Variants in PKHD1L1 observed in about 807,000 individuals in gnomAD.
PKHD1L1 encodes PKHD1 like 1.
PKHD1L1 carries 434 observed loss-of-function variants against 462.9 expected under a neutral mutation model. That is an observed-to-expected ratio of 0.94 (90% confidence interval 0.87 to 1.02). PKHD1L1 has a LOEUF of 1.02. PKHD1L1 is among the 50% of genes least tolerant of loss of function. PKHD1L1 has a pLI of 0.00. For missense variants in PKHD1L1, 5,202 were observed against 5,096.1 expected, an observed-to-expected ratio of 1.02 and a Z score of -0.63; for synonymous variants, 1,781 against 1,750.0, an observed-to-expected ratio of 1.02 and a Z score of -0.44.
chr8:109,461,746 A>G (rs771937408), intron 47 of PKHD1L1, 26 bp from the exon 48 acceptor site: 55 of 1,586,990 alleles, frequency 3.5e-5, no homozygotes, highest in South Asian at 7.0e-5. Flanking sequence ...AATTTTTTTA[A>G]TGATGCTTTA....
At chr8:109,475,825 G>C (rs1023713380) in intron 51 of PKHD1L1, among the ~76,000 whole-genome samples, 3 of 139,842 alleles carry the variant, frequency 2.1e-5, no homozygotes, top group Non-Finnish European at 4.5e-5. Context: ...TCCAGCCTGG[G>C]CGACAGAGGG....
intron 67 of PKHD1L1, 71 bp downstream of exon 67, chr8:109,498,842 T>G: frequency 1.6e-6 from 2 of 1,264,206 alleles, no homozygotes; most frequent in Non-Finnish European, 2.2e-6. Flanking sequence ...TAACTAATAA[T>G]GTTTCATTGT....
chr8:109,382,449 C>A lies in PKHD1L1; in HGVS notation c.309-14C>A. On this transcript the variant is annotated splice_polypyrimidine_tract_variant and intron_variant, in intron 3 of 77. Coordinates refer to ENST00000378402, the MANE Select transcript of PKHD1L1 (RefSeq NM_177531.6). ...GGAATTGCATGTCTCATATATTCTTCATTTTCTTTATAGAGCAATGCCGGA... is the reference window on the plus strand; with the variant it reads ...GGAATTGCATGTCTCATATATTCTTAATTTTCTTTATAGAGCAATGCCGGA... 6.3e-7 allele frequency: 1 copy of A among 1,588,220 alleles called. No individual in the cohort carries two copies. The highest frequency in any genetic ancestry group is 8.6e-7 in the Non-Finnish European group (1 of 1,165,972).
chr8:109,383,148 T>C (rs1369686675), intron 4 of PKHD1L1, among the ~76,000 whole-genome samples: 1 of 62,092 alleles, frequency 1.6e-5, no homozygotes, highest in Non-Finnish European at 2.8e-5. Flanking sequence ...TTGTATATAT[T>C]ATATATATTT....
At chr8:109,437,879 G>A (rs1040854128) in intron 30 of PKHD1L1, among the ~76,000 whole-genome samples, 10 of 151,936 alleles carry the variant, frequency 6.6e-5, no homozygotes, top group Non-Finnish European at 7.4e-5. Context: ...TTTCTTAGGG[G>A]GTCCAAGTGC....
rs1820202837 is a variant in PKHD1L1 at position 109,515,184 on chromosome 8, A to G, written c.11568A>G (p.Gly3856=). 6.3e-6 allele frequency: 10 copies of G among 1,591,280 alleles called. No individual in the cohort carries two copies. The highest frequency in any genetic ancestry group is 8.6e-6 in the Non-Finnish European group (10 of 1,169,306). The change falls in exon 72 of 78, where the codon GGA becomes GGG. Residue 3856 remains glycine, a synonymous_variant. Coordinates refer to ENST00000378402, the MANE Select transcript of PKHD1L1 (RefSeq NM_177531.6). ...NVDHNKAVLV[G]IFFSTLQRLD... ...TTCTTTAATAGGCTGTTCTAGTAGG[A>G]ATTTTCTTTTCCACACTTCAACGTT...
chr8:109,399,039 C>A (rs1482487392), intron 12 of PKHD1L1, among the ~76,000 whole-genome samples: 1 of 152,236 alleles, frequency 6.6e-6, no homozygotes, highest in East Asian at 1.9e-4. Context: ...CCTATCTACA[C>A]TAATATCATT....
chr8:109,365,032 T>G (rs1811162049), intron 2 of PKHD1L1, among the ~76,000 whole-genome samples: 1 of 152,178 alleles, frequency 6.6e-6, no homozygotes, highest in South Asian at 2.1e-4. Context: ...AAATAATATG[T>G]TAATGAAAGA....
At chr8:109,387,009 A>G (rs537658917) in intron 6 of PKHD1L1, among the ~76,000 whole-genome samples, 4 of 152,244 alleles carry the variant, frequency 2.6e-5, no homozygotes, top group Admixed American at 2.6e-4. Context: ...TTTTTCACAC[A>G]TCTATTAATG....
At chr8:109,433,293 T>G in intron 28 of PKHD1L1, 77 bp downstream of exon 28, 21 of 1,151,260 alleles carry the variant, frequency 1.8e-5, no homozygotes, top group Non-Finnish European at 2.7e-5. Context: ...GTATTACAAT[T>G]ATCTTGATCG....
chr8:109,401,870 C>T (rs188336468), intron 14 of PKHD1L1, among the ~76,000 whole-genome samples: 3 of 152,048 alleles, frequency 2.0e-5, no homozygotes, highest in Non-Finnish European at 2.9e-5. Flanking sequence ...TTACTTGGAC[C>T]TTTCAGTCAA....
At chr8:109,480,567 A>G (rs1818226170) in intron 55 of PKHD1L1, 1 of 455,276 alleles carries the variant, frequency 2.2e-6, no homozygotes, top group East Asian at 6.9e-5. Context: ...GAGAAAATAA[A>G]TCAAAATGTT....
chr8:109,502,371 G>A (rs1311228603), intron 67 of PKHD1L1, among the ~76,000 whole-genome samples: 1 of 152,116 alleles, frequency 6.6e-6, no homozygotes, highest in East Asian at 1.9e-4. Context: ...GCTCTGTTGA[G>A]GTCCCTGATG....
chr8:109,522,920 T>C (rs554487747), intron 75 of PKHD1L1, 30 bp downstream of exon 75: 1 of 1,557,420 alleles, frequency 6.4e-7, no homozygotes, highest in Non-Finnish European at 8.7e-7. Flanking sequence ...TTTACTTAAG[T>C]GAAGGAATTA....
chr8:109,387,015 T>C (rs1812478096), intron 6 of PKHD1L1, among the ~76,000 whole-genome samples: 1 of 152,130 alleles, frequency 6.6e-6, no homozygotes, highest in Non-Finnish European at 1.5e-5. Context: ...ACACATCTAT[T>C]AATGTTTGGG....
chr8:109,479,176 A>G (rs1818145311), intron 53 of PKHD1L1, among the ~76,000 whole-genome samples: 1 of 152,150 alleles, frequency 6.6e-6, no homozygotes, highest in African/African-American at 2.4e-5. Context: ...TAGAAGGCAT[A>G]GTGATGAAAA....
intron 9 of PKHD1L1, among the ~76,000 whole-genome samples, chr8:109,393,823 C>T (rs552126356): frequency 1.8e-4 from 28 of 152,228 alleles, no homozygotes; most frequent in Non-Finnish European, 1.0e-4. Flanking sequence ...AGCGGAAGAT[C>T]CCAGCCTTTA....
chr8:109,404,804 T>C (rs950277602), intron 15 of PKHD1L1, 91 bp downstream of exon 15: 23 of 1,306,830 alleles, frequency 1.8e-5, no homozygotes, highest in Non-Finnish European at 2.3e-5. Context: ...TAAGATACTG[T>C]TTTAGGTGAA....
At position 109,491,865 on chromosome 8, in the gene PKHD1L1, T is replaced by G. The variant is rs1818844486; in HGVS notation, c.10115-8T>G. 1 of 1,544,556 alleles carries G rather than the reference T, an allele frequency of 6.5e-7. No individual in the cohort carries two copies. Among genetic ancestry groups the G allele is most frequent in the African/African-American group, 1.4e-5 (1 of 70,082 alleles). On this transcript the variant is annotated splice_polypyrimidine_tract_variant and splice_region_variant and intron_variant, in intron 61 of 77. Coordinates refer to ENST00000378402, the MANE Select transcript of PKHD1L1 (RefSeq NM_177531.6). ...GGATTTTCTTTCTTTTTTTCTTTTT[T>G]TAAACAGGCATAAGAATATGGGGGA... is the stretch of plus-strand genomic sequence containing the variant.
Sources: allele counts gnomAD v4.1 joint callset (sites outside exome capture counted in the v4.1 genomes callset), GRCh38; gene constraint gnomAD v4.1.1; transcripts MANE v1.5; gene names NCBI Gene and HGNC (gene_info 2026-07-23, HGNC 2026-07-21).